Variants in FREM1 observed in about 807,000 individuals in gnomAD.
FREM1 encodes the protein FRAS1-related extracellular matrix protein 1.
A neutral mutation model predicts 210.1 loss-of-function variants in FREM1; 220 were observed. That is an observed-to-expected ratio of 1.05 (90% CI 0.94 to 1.17). The LOEUF is 1.17. FREM1 is among the 50% of genes most tolerant of loss of function. The probability of loss-of-function intolerance (pLI) is 0.00; values close to 1 mark genes in which losing one functional copy is unlikely to be tolerated. For missense variants in FREM1, 3,454 were observed against 2,675.5 expected, an observed-to-expected ratio of 1.29 and a Z score of -6.42; for synonymous variants, 1,189 against 980.2, an observed-to-expected ratio of 1.21 and a Z score of -3.98.
At chr9:14,807,628 A>G (rs1168484276) in intron 17 of FREM1, among the ~76,000 whole-genome samples, 2 of 152,072 alleles carry the variant, frequency 1.3e-5, no homozygotes, top group African/African-American at 2.4e-5. Context: ...TAAAATCAGA[A>G]TATTTGAGGA....
intron 14 of FREM1, among the ~76,000 whole-genome samples, chr9:14,817,287 G>T (rs1240790252): frequency 2.6e-5 from 4 of 152,110 alleles, no homozygotes; most frequent in Admixed American, 6.5e-5. Flanking sequence ...TACTTCTAAG[G>T]CTAGGCTAAT....
At chr9:14,847,905 G>A (rs112029959) in intron 7 of FREM1, among the ~76,000 whole-genome samples, 41 of 152,262 alleles carry the variant, frequency 2.7e-4, no homozygotes, top group African/African-American at 7.2e-4. Flanking sequence ...ACAGTAGGAT[G>A]TATAGCCAGA....
rs559897025 is a variant in FREM1 at position 14,737,462 on chromosome 9, C to T, written c.6474G>A (p.Gly2158=). The T allele has an allele frequency of 2.1e-4, 333 of 1,613,794 alleles. 3 individuals are homozygous for T. In the South Asian group the frequency reaches 3.4e-3, roughly 17 times the overall value. Residue 2158 remains glycine, a synonymous_variant, in exon 37 of 37, where the codon GGG becomes GGA. Coordinates refer to ENST00000380880, the MANE Select transcript of FREM1 (RefSeq NM_001379081.2). ...GKSCVLVQRQ[G]KWQTKDCRRA... Reference sequence around the variant, plus strand: ...TCCTACAGTCTTTTGTTTGCCATTTCCCTTGTCTTTGAACCAAAACACAGC... The same window carrying T: ...TCCTACAGTCTTTTGTTTGCCATTTTCCTTGTCTTTGAACCAAAACACAGC...
intron 27 of FREM1, among the ~76,000 whole-genome samples, chr9:14,769,195 T>C (rs371391570): frequency 6.6e-6 from 1 of 152,234 alleles, no homozygotes; most frequent in Non-Finnish European, 1.5e-5. Context: ...TCTAGTTTCC[T>C]CTTTACATTA....
chr9:14,771,388 T>A (rs776756778), intron 25 of FREM1, among the ~76,000 whole-genome samples: 9 of 152,170 alleles, frequency 5.9e-5, no homozygotes, highest in Non-Finnish European at 1.2e-4. Flanking sequence ...AGGTGATTAT[T>A]TCTAGACATT....
At chr9:14,858,611 A>G (rs1330154610) in intron 4 of FREM1, among the ~76,000 whole-genome samples, 3 of 151,578 alleles carry the variant, frequency 2.0e-5, no homozygotes, top group Non-Finnish European at 2.9e-5. Context: ...TACTATTGCT[A>G]TGATTATCCC....
chr9:14,785,669 G>A (rs959189581), intron 23 of FREM1, among the ~76,000 whole-genome samples: 3 of 152,136 alleles, frequency 2.0e-5, no homozygotes, highest in African/African-American at 7.2e-5. Context: ...ATTATGCTAA[G>A]TGAAATAAGC....
chr9:14,882,185 T>C (rs1384682762), intron 1 of FREM1, among the ~76,000 whole-genome samples: 1 of 152,192 alleles, frequency 6.6e-6, no homozygotes, highest in Non-Finnish European at 1.5e-5. Flanking sequence ...AGTTTTTGTA[T>C]TAATTTTGTT....
intron 15 of FREM1, among the ~76,000 whole-genome samples, chr9:14,815,036 G>A (rs1363292236): frequency 2.6e-5 from 4 of 152,200 alleles, no homozygotes; most frequent in African/African-American, 9.7e-5. Flanking sequence ...CCTTTTTGAA[G>A]CTGCAATAAC....
chr9:14,786,804 A>T (rs1364846573), intron 23 of FREM1, among the ~76,000 whole-genome samples: 1 of 152,238 alleles, frequency 6.6e-6, no homozygotes, highest in African/African-American at 2.4e-5. Flanking sequence ...TCTAAATTTA[A>T]ATCAAAACCT....
chr9:14,874,679 T>C (rs1287242669), intron 1 of FREM1, among the ~76,000 whole-genome samples: 5 of 152,150 alleles, frequency 3.3e-5, no homozygotes, highest in Non-Finnish European at 5.9e-5. Flanking sequence ...TTAAACTTAA[T>C]ATTGTTATAT....
chr9:14,821,142 A>G (rs1821227813), intron 13 of FREM1, among the ~76,000 whole-genome samples: 1 of 152,176 alleles, frequency 6.6e-6, no homozygotes, highest in Non-Finnish European at 1.5e-5. Flanking sequence ...TCCCGTGGTT[A>G]TCACTTGGCC....
intron 6 of FREM1, 101 bp from the exon 7 acceptor site, chr9:14,848,874 G>A (rs1827161896): frequency 3.4e-6 from 2 of 592,538 alleles, no homozygotes; most frequent in East Asian, 2.8e-5. Context: ...TCAGTTTTCT[G>A]CGGGGATTCA....
At chr9:14,846,851 GT>G (rs1349752466) in intron 7 of FREM1, among the ~76,000 whole-genome samples, 1 of 152,158 alleles carries the variant, frequency 6.6e-6, no homozygotes, top group Non-Finnish European at 1.5e-5. Flanking sequence ...CCAACTGACT[GT>G]TCTCTAGCTG....
intron 1 of FREM1, among the ~76,000 whole-genome samples, chr9:14,904,679 T>A (rs1023437010): frequency 1.3e-5 from 2 of 152,214 alleles, no homozygotes; most frequent in East Asian, 3.9e-4. Context: ...TGGCAAGAGC[T>A]GAGGTACAGA....
At chr9:14,759,432 T>C (rs2890994) in intron 28 of FREM1, among the ~76,000 whole-genome samples, 22,142 of 150,038 alleles carry the variant, frequency 0.15, 1,968 homozygotes, top group East Asian at 0.4. Flanking sequence ...ATCACTTGAA[T>C]CTGGGAGGTG....
intron 13 of FREM1, among the ~76,000 whole-genome samples, chr9:14,819,659 AG>A (rs758700631): frequency 1.3e-5 from 2 of 152,240 alleles, no homozygotes; most frequent in Non-Finnish European, 2.9e-5. Context: ...CAAGGAAACA[AG>A]GCAGATCTCT....
chr9:14,792,680 T>C (rs1851635918), intron 22 of FREM1, 63 bp downstream of exon 22: 1 of 1,223,160 alleles, frequency 8.2e-7, no homozygotes, highest in African/African-American at 1.5e-5. Flanking sequence ...TAGAAATGTG[T>C]ATATTGAGAA....
At chr9:14,909,738 C>T (rs992092826) in intron 1 of FREM1, among the ~76,000 whole-genome samples, 176 bp downstream of exon 1, 3 of 152,238 alleles carry the variant, frequency 2.0e-5, no homozygotes. Flanking sequence ...TTTGTTAACA[C>T]TGCAAGTTGC....
Sources: gnomAD v4.1 joint callset for allele counts (sites outside exome capture counted in the v4.1 genomes callset) on GRCh38, gnomAD v4.1.1 for gene constraint, MANE v1.5 for transcripts, NCBI Gene and HGNC (gene_info 2026-07-23, HGNC 2026-07-21) for gene names.